COL4A1: variants seen among roughly 807,000 people sequenced by gnomAD.
COL4A1 encodes collagen alpha-1(IV) chain.
In COL4A1, 40 loss-of-function variants were observed where a neutral mutation model predicts 216.6. The ratio of observed to expected loss-of-function variants is 0.18; its 90% confidence interval spans 0.14 to 0.24. COL4A1 has a LOEUF of 0.24. Among genes scored for constraint, COL4A1 ranks in the 10% least tolerant of loss-of-function variants. The probability of loss-of-function intolerance (pLI) is 1.00; values close to 1 mark genes in which losing one functional copy is unlikely to be tolerated. For synonymous variants in COL4A1, 839 were observed against 810.7 expected (o/e 1.03, Z -0.59); for missense variants, 1,628 against 2,196.8 (o/e 0.74, Z 5.18).
intron 1 of COL4A1, among the ~76,000 whole-genome samples, chr13:110,297,084 A>G (rs568350933): frequency 2.6e-5 from 4 of 152,298 alleles, no homozygotes; most frequent in African/African-American, 7.2e-5. Flanking sequence ...TAAGGGCATG[A>G]TTGATTAAAT....
intron 1 of COL4A1, among the ~76,000 whole-genome samples, chr13:110,272,882 G>A (rs1182322462): frequency 6.6e-6 from 1 of 152,152 alleles, no homozygotes; most frequent in Non-Finnish European, 1.5e-5. Context: ...CATCAATAAG[G>A]TGCCCATGGA....
intron 1 of COL4A1, among the ~76,000 whole-genome samples, chr13:110,271,697 G>C (rs1319704637): frequency 6.6e-6 from 1 of 152,162 alleles, no homozygotes; most frequent in Non-Finnish European, 1.5e-5. Flanking sequence ...GGAATCCTGG[G>C]CTGGAGCCGA....
chr13:110,219,714 G>GTA (rs1279088270), intron 2 of COL4A1, among the ~76,000 whole-genome samples: 19 of 49,598 alleles, frequency 3.8e-4, no homozygotes, highest in South Asian at 1.4e-3. Context: ...ATACATATGT[G>GTA]TATATATATG....
intron 21 of COL4A1, 142 bp from the exon 22 acceptor site, chr13:110,195,260 T>C: frequency 5.3e-6 from 4 of 749,812 alleles, no homozygotes; most frequent in Non-Finnish European, 9.5e-6. Flanking sequence ...CAAAATCATC[T>C]TAGGCTATCC....
intron 1 of COL4A1, among the ~76,000 whole-genome samples, chr13:110,284,015 G>A (rs1883742212): frequency 1.3e-5 from 2 of 152,164 alleles, no homozygotes; most frequent in South Asian, 4.1e-4. Flanking sequence ...CCACAGGCCA[G>A]GAGCCTTCAG....
rs1566378069 is a variant in COL4A1, at chr13:110,211,626, G to A, written c.468+21C>T. 6.2e-7 allele frequency: 1 copy of A among 1,606,498 alleles called. No individual in the cohort carries two copies. The highest frequency in any genetic ancestry group is 1.1e-5 in the South Asian group (1 of 90,106). On this transcript the variant is annotated intron_variant, in intron 8 of 51. Transcript: ENST00000375820. This position sits in a 1 kb window ranked among gnomAD's most constrained non-coding sequence, Gnocchi z 4.3. ...GATTCCCTGTAATGAATCCAATAAAGCAAAATAAAATAAAATGTACCTTCA... is the reference window on the plus strand; with the variant it reads ...GATTCCCTGTAATGAATCCAATAAAACAAAATAAAATAAAATGTACCTTCA...
rs553201134 is a variant in COL4A1 at position 110,271,214 on chromosome 13, G to A, written c.85-28480C>T. Among the ~76,000 whole-genome samples, 75 of 152,296 alleles carry A rather than the reference G, an allele frequency of 4.9e-4. 1 individual carries two copies. The Middle Eastern group carries it at 0.024, about 48-fold the overall frequency. Reference sequence around the variant, plus strand: ...AATGAGACGGGATGGAGACAGCGGCGCCAACCACTGAACGTTGCAGCAAGA... The same window carrying A: ...AATGAGACGGGATGGAGACAGCGGCACCAACCACTGAACGTTGCAGCAAGA... On this transcript the variant is annotated intron_variant, in intron 1 of 51. Transcript: ENST00000375820.
intron 50 of COL4A1, among the ~76,000 whole-genome samples, chr13:110,153,950 C>T (rs766273612): frequency 1.3e-4 from 20 of 152,212 alleles, no homozygotes; most frequent in East Asian, 1.9e-4. Flanking sequence ...GCAGGGCAGA[C>T]GCCACACCAT....
chr13:110,165,268 T>C (rs1877282181), intron 45 of COL4A1, among the ~76,000 whole-genome samples: 1 of 152,152 alleles, frequency 6.6e-6, no homozygotes, highest in Admixed American at 6.5e-5. Flanking sequence ...ACAACTGCCC[T>C]GCAGCCTCAT....
intron 12 of COL4A1, 52 bp downstream of exon 12, chr13:110,208,797 G>C (rs184922950): frequency 7.1e-6 from 11 of 1,553,114 alleles, no homozygotes; most frequent in East Asian, 2.2e-5. Context: ...GAACTGTCAG[G>C]TGAGGACTGT....
intron 36 of COL4A1, 107 bp from the exon 37 acceptor site, chr13:110,175,464 T>A: frequency 6.5e-7 from 1 of 1,546,750 alleles, no homozygotes; most frequent in Admixed American, 1.9e-5. Flanking sequence ...AGAACGTGAA[T>A]CCCCCACAAC....
At chr13:110,190,972 C>T (rs1345462862) in intron 24 of COL4A1, 1 of 152,220 alleles carries the variant, frequency 6.6e-6, no homozygotes, top group Admixed American at 6.5e-5. Context: ...GGAAGTCCAC[C>T]AGGAAAGCCC....
At position 110,212,436 on chromosome 13, in the gene COL4A1, G is replaced by A. The variant is rs1456750343; in HGVS notation, c.368C>T (p.Pro123Leu). 1.9e-6 allele frequency: 3 copies of A among 1,613,814 alleles called. No homozygotes were observed. In the Admixed American group the frequency reaches 5.0e-5, roughly 27 times the overall value. The change falls in exon 6 of 52, where the codon CCA becomes CTA. Residue 123 changes from proline (P) to leucine (L), a missense_variant. This residue lies in a region of COL4A1 where 150 missense variants were observed against 211.9 expected (regional missense o/e 0.71). Transcript: ENST00000375820. Reference sequence around the variant, plus strand: ...ATTTACCTTTGTGCCATTGCATCCTGGAATACCTGGGGGGCCTGGCGGGCC... The same window carrying A: ...ATTTACCTTTGTGCCATTGCATCCTAGAATACCTGGGGGGCCTGGCGGGCC... ...QDGPPGPPGI[P>L]GCNGTKGERG...
At position 110,167,224 on chromosome 13, in the gene COL4A1, C is replaced by A; in HGVS notation, c.3883G>T (p.Gly1295Cys). 6.2e-7 allele frequency: 1 copy of A among 1,613,450 alleles called. No individual in the cohort carries two copies. Among genetic ancestry groups the A allele is most frequent in the African/African-American group, 1.3e-5 (1 of 75,006 alleles). The change falls in exon 44 of 52, where the codon GGT (glycine) becomes TGT (cysteine). Residue 1295 changes from glycine (G) to cysteine (C), a missense_variant. Gly to Cys is a radical substitution (Grantham distance 159). Transcript: ENST00000375820. ...DPGFQGMPGI[G>C]GSPGITGSKG... ...GAGCCTGTGATTCCTGGAGAGCCAC[C>A]AATACCCTAGACACGCAAAGAGGAG...
At chr13:110,160,836 G>A (rs1459902985) in intron 49 of COL4A1, among the ~76,000 whole-genome samples, 6 of 152,082 alleles carry the variant, frequency 3.9e-5, no homozygotes, top group Admixed American at 3.3e-4. Context: ...AGCCTCCCTC[G>A]TAGCTGGGAC....
At chr13:110,176,561 A>T (rs754654634) in intron 35 of COL4A1, 48 bp from the exon 36 acceptor site, 1 of 1,593,960 alleles carries the variant, frequency 6.3e-7, no homozygotes, top group African/African-American at 1.3e-5. Flanking sequence ...CTACAGAAAG[A>T]GCTGGGGAAC....
rs147095942 is a variant in COL4A1, at chr13:110,189,263, A to G, written c.1537-1934T>C. 9.9e-3 allele frequency among the ~76,000 whole-genome samples: 1,506 copies of G among 152,302 alleles called. 25 individuals are homozygous for G. Among genetic ancestry groups the G allele is most frequent in the African/African-American group, 0.034 (1,409 of 41,570 alleles). On this transcript the variant is annotated intron_variant, in intron 24 of 51. Coordinates refer to ENST00000375820, the MANE Select transcript of COL4A1 (RefSeq NM_001845.6). ...TTTTTAGTGGAGACGGGGTTTCTCC[A>G]TGTTGGTCAGGCCGGTCTCGAACTC... is the stretch of plus-strand genomic sequence containing the variant.
chr13:110,276,636 T>G (rs1883441795), intron 1 of COL4A1, among the ~76,000 whole-genome samples: 1 of 152,216 alleles, frequency 6.6e-6, no homozygotes, highest in East Asian at 1.9e-4. Flanking sequence ...ATGTTCTGAC[T>G]GTAGGCAAAA....
rs1594104825 is a variant in COL4A1 at position 110,268,584 on chromosome 13, T to C, written c.85-25850A>G. Among the ~76,000 whole-genome samples the C allele has an allele frequency of 6.6e-6, 1 of 152,226 alleles. No homozygotes were observed. Among genetic ancestry groups the C allele is most frequent in the African/African-American group, 2.4e-5 (1 of 41,460 alleles). On this transcript the variant is annotated intron_variant, in intron 1 of 51. Transcript: ENST00000375820. The surrounding 1 kb of genome is among the most constrained non-coding windows in gnomAD (Gnocchi z 4.1). ...CAGGGTGGTGTGGCAGGGAAAATGC[T>C]TTTGAGCTTCAAGCCTCAGTTAAAA...
Sources: allele counts gnomAD v4.1 joint callset (sites outside exome capture counted in the v4.1 genomes callset), GRCh38; gene constraint gnomAD v4.1.1; regional missense constraint gnomAD v4.1.1; non-coding constraint Gnocchi (gnomAD v3.1); transcripts MANE v1.5; gene names NCBI Gene and HGNC (gene_info 2026-07-23, HGNC 2026-07-21).